BTBD8: variants seen among roughly 807,000 people sequenced by gnomAD.
BTBD8 encodes the protein BTB domain containing 8, also known as BTB/POZ domain-containing protein 8.
Under a neutral mutation model 162.9 loss-of-function variants are expected in BTBD8, and 110 were observed. That is an observed-to-expected ratio of 0.68 (90% confidence interval 0.58 to 0.79). BTBD8 has a LOEUF of 0.79. Among genes scored for constraint, BTBD8 ranks in the 30% least tolerant of loss-of-function variants. BTBD8 has a pLI of 0.00. For synonymous variants in BTBD8, 667 were observed against 716.1 expected (o/e 0.93, Z 1.10); for missense variants, 1,905 against 2,085.4 (o/e 0.91, Z 1.68).
chr1:92,131,441 A>G (rs551789018), intron 5 of BTBD8, among the ~76,000 whole-genome samples: 1 of 152,324 alleles, frequency 6.6e-6, no homozygotes, highest in East Asian at 1.9e-4. Context: ...TACATTATGT[A>G]GGGCGGGCAC....
intron 13 of BTBD8, among the ~76,000 whole-genome samples, chr1:92,176,109 A>G (rs1292601783): frequency 6.6e-6 from 1 of 151,840 alleles, no homozygotes; most frequent in African/African-American, 2.4e-5. Context: ...AGGAGCTTTT[A>G]AAAAAAAATT....
intron 4 of BTBD8, among the ~76,000 whole-genome samples, chr1:92,119,927 G>A (rs1408944901): frequency 8.7e-6 from 1 of 115,198 alleles, no homozygotes; most frequent in Non-Finnish European, 1.6e-5. Flanking sequence ...TTGAGACGGA[G>A]TCTCACTCTA....
chr1:92,165,119 CAA>C (rs779526131), intron 9 of BTBD8, among the ~76,000 whole-genome samples: 6,113 of 100,980 alleles, frequency 0.061, 439 homozygotes, highest in African/African-American at 0.18. Flanking sequence ...AGACTTGTGT[CAA>C]AAAAAAAAAA....
chr1:92,105,498 C>A (rs2101905468), intron 3 of BTBD8, among the ~76,000 whole-genome samples: 1 of 152,270 alleles, frequency 6.6e-6, no homozygotes, highest in Middle Eastern at 3.4e-3. Context: ...GGCAGTCCAC[C>A]CGCCTCAGCC....
At chr1:92,165,023 A>G (rs1002963619) in intron 9 of BTBD8, among the ~76,000 whole-genome samples, 1 of 151,764 alleles carries the variant, frequency 6.6e-6, no homozygotes, top group Non-Finnish European at 1.5e-5. Context: ...TGAAAGGCTG[A>G]AGCAGGAGAA....
intron 7 of BTBD8, among the ~76,000 whole-genome samples, chr1:92,146,355 C>T (rs982004677): frequency 6.6e-6 from 1 of 152,102 alleles, no homozygotes; most frequent in Admixed American, 6.5e-5. Context: ...ACAGAGATAT[C>T]CTACATACCC....
At chr1:92,090,371 T>C (rs1395004925) in intron 2 of BTBD8, among the ~76,000 whole-genome samples, 1 of 152,216 alleles carries the variant, frequency 6.6e-6, no homozygotes, top group Non-Finnish European at 1.5e-5. Context: ...ATTATAGTTT[T>C]CATTTGTATT....
At chr1:92,110,682 A>G (rs938088147) in intron 4 of BTBD8, among the ~76,000 whole-genome samples, 1 of 152,084 alleles carries the variant, frequency 6.6e-6, no homozygotes, top group African/African-American at 2.4e-5. Context: ...ACCTGGGACT[A>G]CAGGCATCTG....
chr1:92,114,683 C>T (rs1557444613), intron 4 of BTBD8: 2 of 159,484 alleles, frequency 1.3e-5, no homozygotes, highest in Admixed American at 1.3e-4. Flanking sequence ...GGTGTACAAA[C>T]TGTGAGGAGG....
In BTBD8 at chr1:92,168,005, T is replaced by C. The variant is rs1650428571; in HGVS notation, c.1443+20T>C. ...GAAATGGTACTGAATGTAATGAAAT[T>C]TATTAAAATAATGCAATATTTGAAC... On this transcript the variant is annotated intron_variant, in intron 11 of 17. Coordinates refer to ENST00000636805, the MANE Select transcript of BTBD8 (RefSeq NM_001376131.1). The C allele has an allele frequency of 6.6e-7, 1 of 1,517,096 alleles. No individual in the cohort carries two copies. Among genetic ancestry groups the C allele is most frequent in the South Asian group, 1.3e-5 (1 of 77,492 alleles). 94.0% of individuals were successfully genotyped at this position (1,517,096 alleles called of 1,614,324 possible). A position where few individuals can be genotyped will look rare whatever the true frequency, so the allele number is the denominator to read the frequency against.
intron 10 of BTBD8, 117 bp downstream of exon 10, chr1:92,167,257 T>G: frequency 1.6e-6 from 2 of 1,253,824 alleles, no homozygotes; most frequent in Non-Finnish European, 2.2e-6. Context: ...TTAAATAAAC[T>G]CCATAGCAGA....
intron 1 of BTBD8, among the ~76,000 whole-genome samples, chr1:92,081,856 G>A (rs1648027753): frequency 6.6e-6 from 1 of 152,208 alleles, no homozygotes; most frequent in African/African-American, 2.4e-5. Flanking sequence ...TTACAGGCGT[G>A]AGCCACTGCG....
At chr1:92,150,673 C>T (rs1032346502) in intron 9 of BTBD8, 1 of 152,150 alleles carries the variant, frequency 6.6e-6, no homozygotes, top group Non-Finnish European at 1.5e-5. Flanking sequence ...GACAGGATAC[C>T]ATTCCAGCGC....
At chr1:92,135,346 C>G (rs1044305662) in intron 5 of BTBD8, among the ~76,000 whole-genome samples, 1 of 152,180 alleles carries the variant, frequency 6.6e-6, no homozygotes, top group Non-Finnish European at 1.5e-5. Context: ...CCACCTCACC[C>G]AGATAATTTT....
chr1:92,155,531 CTGGT>C, intron 9 of BTBD8, among the ~76,000 whole-genome samples: 1 of 152,176 alleles, frequency 6.6e-6, no homozygotes, highest in Non-Finnish European at 1.5e-5. Flanking sequence ...CTTTGAACTC[CTGGT>C]CTCAAGTGAT....
chr1:92,128,869 A>G (rs898835861), intron 4 of BTBD8, among the ~76,000 whole-genome samples: 11 of 151,492 alleles, frequency 7.3e-5, no homozygotes, highest in Non-Finnish European at 1.2e-4. Flanking sequence ...CACCTCTCCT[A>G]CCCTTTCCCA....
intron 2 of BTBD8, among the ~76,000 whole-genome samples, chr1:92,094,389 A>G (rs1648395795): frequency 6.6e-6 from 1 of 152,264 alleles, no homozygotes. Context: ...GGAAGGGAGT[A>G]CAATGGAAAA....
intron 2 of BTBD8, among the ~76,000 whole-genome samples, chr1:92,089,551 C>T (rs1211155970): frequency 3.3e-5 from 5 of 152,068 alleles, no homozygotes; most frequent in African/African-American, 9.7e-5. Flanking sequence ...GATCACAGTT[C>T]GGGAGCCTGG....
At chr1:92,178,209 G>C (rs1481867515) in intron 15 of BTBD8, 103 bp from the exon 16 acceptor site, 1 of 853,470 alleles carries the variant, frequency 1.2e-6, no homozygotes, top group African/African-American at 1.7e-5. Context: ...CAGGAGAGAT[G>C]TATTTTTTAT....
Sources: gnomAD v4.1 joint callset for allele counts (sites outside exome capture counted in the v4.1 genomes callset) on GRCh38, gnomAD v4.1.1 for gene constraint, MANE v1.5 for transcripts, NCBI Gene and HGNC (gene_info 2026-07-23, HGNC 2026-07-21) for gene names.